Variants in CFAP20DC observed in about 807,000 individuals in gnomAD.
CFAP20DC encodes the protein protein CFAP20DC.
CFAP20DC carries 84 observed loss-of-function variants against 101.7 expected under a neutral mutation model. The observed-to-expected ratio is 0.83, with a 90% CI of 0.69 to 0.99. The LOEUF (loss-of-function observed/expected upper bound fraction) is 0.99, where lower values mean the gene tolerates loss of function less well. Among genes scored for constraint, CFAP20DC ranks in the 50% least tolerant of loss-of-function variants. The pLI is 0.00. For missense variants in CFAP20DC, 1,007 were observed against 970.3 expected (o/e 1.04, Z -0.50); for synonymous variants, 359 against 351.2 (o/e 1.02, Z -0.25).
chr3:59,021,161 T>G (rs2093796005), intron 4 of CFAP20DC, among the ~76,000 whole-genome samples: 1 of 152,066 alleles, frequency 6.6e-6, no homozygotes, highest in Non-Finnish European at 1.5e-5. Context: ...TGTTATTATT[T>G]AGCTAGAGAA....
intron 16 of CFAP20DC, among the ~76,000 whole-genome samples, chr3:58,746,208 G>T (rs1026566925): frequency 3.3e-5 from 5 of 152,054 alleles, no homozygotes; most frequent in African/African-American, 9.7e-5. Context: ...CAAAAATTGT[G>T]TATGTTTCCA....
At chr3:58,771,676 G>A (rs983579944) in intron 15 of CFAP20DC, among the ~76,000 whole-genome samples, 3 of 152,186 alleles carry the variant, frequency 2.0e-5, no homozygotes, top group Non-Finnish European at 4.4e-5. Context: ...CAGGAGAGGA[G>A]AACATTCTTA....
intron 15 of CFAP20DC, among the ~76,000 whole-genome samples, chr3:58,762,552 T>A (rs1313627218): frequency 6.6e-6 from 1 of 152,162 alleles, no homozygotes; most frequent in Non-Finnish European, 1.5e-5. Context: ...AGGTTAATAT[T>A]GTTATGTGTG....
At chr3:58,808,398 G>A (rs892460888) in intron 14 of CFAP20DC, among the ~76,000 whole-genome samples, 10 of 152,164 alleles carry the variant, frequency 6.6e-5, no homozygotes, top group African/African-American at 2.4e-4. Context: ...GAAAAGAGTG[G>A]GGACCAATAT....
intron 13 of CFAP20DC, among the ~76,000 whole-genome samples, chr3:58,839,645 C>T (rs1323804885): frequency 6.6e-6 from 1 of 152,110 alleles, no homozygotes. Context: ...AGGATGCTAA[C>T]CTTAGCACTA....
intron 2 of CFAP20DC, among the ~76,000 whole-genome samples, chr3:59,046,620 T>A (rs541666074): frequency 6.6e-6 from 1 of 151,900 alleles, no homozygotes; most frequent in Non-Finnish European, 1.5e-5. Context: ...ATAAATTAAT[T>A]AAATCAATAA....
At chr3:58,855,845 G>T (rs1241086408) in intron 12 of CFAP20DC, among the ~76,000 whole-genome samples, 1 of 113,490 alleles carries the variant, frequency 8.8e-6, no homozygotes, top group East Asian at 3.2e-4. Context: ...TGGGGTGGGG[G>T]GAGGGGGGAG....
Position 58,742,500 on chromosome 3 carries a change from T to A in CFAP20DC, c.2405A>T (p.Tyr802Phe), listed in dbSNP as rs1250171029. The change falls in exon 17 of 17, where the codon TAC (tyrosine) becomes TTC (phenylalanine). Residue 802 changes from tyrosine to phenylalanine, a missense_variant. Tyr to Phe is a conservative substitution (Grantham distance 22). Transcript: ENST00000482387. ...TLLYDPCLNC[Y>F]FDPQTGKYYE... ...GTATTTCCCTGTTTGGGGGTCAAAG[T>A]AACAGTTCAGACAAGGGTCATACAA... 6.2e-7 allele frequency: 1 copy of A among 1,608,088 alleles called. No homozygotes were observed. The highest frequency in any genetic ancestry group is 1.7e-5 in the Admixed American group (1 of 59,124).
chr3:58,819,331 C>T (rs1171744428), intron 14 of CFAP20DC, among the ~76,000 whole-genome samples: 6 of 151,958 alleles, frequency 3.9e-5, no homozygotes, highest in African/African-American at 7.3e-5. Flanking sequence ...AAAAACCCTT[C>T]AAAAAATCAA....
At chr3:58,951,478 T>C (rs2090098682) in intron 4 of CFAP20DC, among the ~76,000 whole-genome samples, 2 of 152,190 alleles carry the variant, frequency 1.3e-5, no homozygotes. Context: ...TGCAGCACTA[T>C]TCACAATAGC....
intron 3 of CFAP20DC, among the ~76,000 whole-genome samples, chr3:58,736,739 A>C (rs1366803728): frequency 6.6e-6 from 1 of 152,208 alleles, no homozygotes; most frequent in African/African-American, 2.4e-5. Flanking sequence ...GGTTCAGCAT[A>C]AACATTGACA....
intron 3 of CFAP20DC, among the ~76,000 whole-genome samples, chr3:58,735,510 A>C (rs1396270503): frequency 1.3e-5 from 2 of 152,212 alleles, no homozygotes; most frequent in Non-Finnish European, 2.9e-5. Flanking sequence ...CAAACTGCTC[A>C]TTCTGGCACC....
chr3:58,877,243 T>G (rs1206296118), intron 7 of CFAP20DC, among the ~76,000 whole-genome samples: 3 of 152,322 alleles, frequency 2.0e-5, no homozygotes, highest in Admixed American at 2.0e-4. Flanking sequence ...GCTCTAGTAC[T>G]GTGTAAGACA....
At chr3:58,755,573 GTGTGAA>G (rs1404771694) in intron 15 of CFAP20DC, among the ~76,000 whole-genome samples, 1 of 152,164 alleles carries the variant, frequency 6.6e-6, no homozygotes, top group Non-Finnish European at 1.5e-5. Context: ...GGTGGGAGTT[GTGTGAA>G]TGTTACGAAA....
chr3:58,875,999 A>G (rs1300315545), intron 7 of CFAP20DC, among the ~76,000 whole-genome samples: 3 of 152,244 alleles, frequency 2.0e-5, no homozygotes, highest in African/African-American at 7.2e-5. Context: ...CAGACATTCT[A>G]TATTTCATAA....
chr3:58,822,656 A>T (rs2075763891), intron 14 of CFAP20DC, among the ~76,000 whole-genome samples: 1 of 152,156 alleles, frequency 6.6e-6, no homozygotes, highest in African/African-American at 2.4e-5. Context: ...AAGTGTTAGA[A>T]AACAAAAAAG....
Position 58,742,467 on chromosome 3 carries a change from A to C in CFAP20DC, c.2438T>G (p.Leu813Trp), listed in dbSNP as rs1405010916. The change falls in exon 17 of 17, where the codon TTG becomes TGG. Residue 813 changes from leucine (L) to tryptophan (W), a missense_variant. Transcript: ENST00000482387. ...CTGCCCCGGAAGGAGGCATTATACC[A>C]ACTCATAGTATTTCCCTGTTTGGGG... Reference protein sequence around the residue: ...FDPQTGKYYELV With the variant: ...FDPQTGKYYEWV 1 of 1,601,548 alleles carries C rather than the reference A, an allele frequency of 6.2e-7. No homozygotes were observed. Among genetic ancestry groups the C allele is most frequent in the Admixed American group, 1.7e-5 (1 of 58,290 alleles).
At chr3:58,730,803 G>C (rs1001604985) in intron 3 of CFAP20DC, among the ~76,000 whole-genome samples, 1 of 151,850 alleles carries the variant, frequency 6.6e-6, no homozygotes, top group African/African-American at 2.4e-5. Context: ...TTTTTTTAAA[G>C]TAATTCATCA....
intron 15 of CFAP20DC, among the ~76,000 whole-genome samples, chr3:58,773,964 T>A (rs1203916184): frequency 6.6e-6 from 1 of 152,062 alleles, no homozygotes; most frequent in Non-Finnish European, 1.5e-5. Context: ...TGTGAAAAGT[T>A]TAATATTATG....
Sources: gnomAD v4.1 joint callset for allele counts (sites outside exome capture counted in the v4.1 genomes callset) on GRCh38, gnomAD v4.1.1 for gene constraint, MANE v1.5 for transcripts, NCBI Gene and HGNC (gene_info 2026-07-23, HGNC 2026-07-21) for gene names.